Variants in ORC2 observed in about 807,000 individuals in gnomAD.
The protein encoded by ORC2 is origin recognition complex subunit 2.
A neutral mutation model predicts 77.7 loss-of-function variants in ORC2; 37 were observed. The ratio of observed to expected loss-of-function variants is 0.48; its 90% CI spans 0.37 to 0.63. The LOEUF is 0.63. ORC2 is among the 20% of genes least tolerant of loss of function. The pLI, the probability that ORC2 is intolerant of heterozygous loss-of-function variation, is 0.00. For synonymous variants in ORC2, 201 were observed against 229.5 expected (o/e 0.88, Z 1.12); for missense variants, 557 against 661.9 (o/e 0.84, Z 1.74).
chr2:200,937,578 A>G (rs1359292142), intron 8 of ORC2, among the ~76,000 whole-genome samples: 1 of 152,216 alleles, frequency 6.6e-6, no homozygotes, highest in Non-Finnish European at 1.5e-5. Context: ...GGCAGAAGCC[A>G]TGTCTGTTTA....
intron 10 of ORC2, among the ~76,000 whole-genome samples, chr2:200,933,074 A>T (rs548351651): frequency 6.6e-6 from 1 of 152,144 alleles, no homozygotes; most frequent in East Asian, 1.9e-4. Context: ...TCCTTCTCCC[A>T]TATTGCTTAT....
chr2:200,955,562 C>A (rs1299657212), intron 4 of ORC2, among the ~76,000 whole-genome samples: 2 of 152,050 alleles, frequency 1.3e-5, no homozygotes, highest in African/African-American at 4.8e-5. Flanking sequence ...AATGGGAGAA[C>A]TGAAAAACCA....
At chr2:200,953,603 T>C (rs1002261649) in intron 4 of ORC2, among the ~76,000 whole-genome samples, 1 of 152,130 alleles carries the variant, frequency 6.6e-6, no homozygotes, top group African/African-American at 2.4e-5. Flanking sequence ...CCCCAAAGAA[T>C]TGAATGCAGG....
At chr2:200,924,578 C>T (rs1022568143) in intron 13 of ORC2, among the ~76,000 whole-genome samples, 1 of 152,120 alleles carries the variant, frequency 6.6e-6, no homozygotes, top group African/African-American at 2.4e-5. Flanking sequence ...AATTACTTCT[C>T]TTAATTCTTA....
intron 15 of ORC2, among the ~76,000 whole-genome samples, 173 bp from the exon 16 acceptor site, chr2:200,914,165 CTTTTTTTT>C (rs1158874227): frequency 1.5e-5 from 2 of 134,860 alleles, no homozygotes; most frequent in East Asian, 2.1e-4. Flanking sequence ...TTTCTAATTT[CTTTTTTTT>C]TTTTTTTTTT....
chr2:200,945,325 G>A (rs1344473764), intron 5 of ORC2, among the ~76,000 whole-genome samples: 4 of 152,188 alleles, frequency 2.6e-5, no homozygotes, highest in Non-Finnish European at 4.4e-5. Flanking sequence ...GGAGACCGAG[G>A]TGGGTGGATC....
intron 11 of ORC2, among the ~76,000 whole-genome samples, chr2:200,927,615 G>A (rs941295768): frequency 5.3e-5 from 8 of 149,972 alleles, no homozygotes; most frequent in African/African-American, 9.8e-5. Context: ...GCGTGAACAC[G>A]GAAGGCGGAG....
rs2040548966 is a variant in ORC2, at chr2:200,911,370, C to T, written c.1665G>A (p.Glu555=). The change falls in exon 18 of 18, where the codon GAG becomes GAA. Residue 555 remains glutamate, a synonymous_variant. Coordinates refer to ENST00000234296, the MANE Select transcript of ORC2 (RefSeq NM_006190.5). ...IRTKKGTDGV[E]YLLIPVDNGT... ...CATTATCAACAGGAATTAATAAATA[C>T]TCTACTCCATCAGTTCCCTGAAAGA... The T allele has an allele frequency of 1.3e-6, 2 of 1,595,474 alleles. No individual in the cohort carries two copies. Among genetic ancestry groups the T allele is most frequent in the Non-Finnish European group, 1.7e-6 (2 of 1,163,132 alleles).
At chr2:200,941,406 G>A in intron 6 of ORC2, 127 bp from the exon 7 acceptor site, 1 of 709,962 alleles carries the variant, frequency 1.4e-6, no homozygotes, top group Non-Finnish European at 2.3e-6. Context: ...ACTTTGGGAG[G>A]CAAGGCAGGA....
chr2:200,930,833 AAAT>A (rs2040926599), intron 11 of ORC2, among the ~76,000 whole-genome samples: 1 of 152,208 alleles, frequency 6.6e-6, no homozygotes, highest in Non-Finnish European at 1.5e-5. Flanking sequence ...AGGTGTGTGA[AAAT>A]AATAACAGTG....
intron 15 of ORC2, among the ~76,000 whole-genome samples, chr2:200,915,265 G>A (rs1412389463): frequency 1.3e-5 from 2 of 151,504 alleles, no homozygotes; most frequent in African/African-American, 4.8e-5. Context: ...CACCCGCCTC[G>A]GCCTGATTTT....
chr2:200,956,496 A>C (rs2041466250), intron 4 of ORC2, among the ~76,000 whole-genome samples: 1 of 151,586 alleles, frequency 6.6e-6, no homozygotes, highest in Non-Finnish European at 1.5e-5. Flanking sequence ...AGCTAATTAA[A>C]AACTTTTTTT....
chr2:200,961,758 T>C (rs1159499398), intron 1 of ORC2, among the ~76,000 whole-genome samples: 1 of 152,192 alleles, frequency 6.6e-6, no homozygotes, highest in Non-Finnish European at 1.5e-5. Context: ...TAAATGCTAA[T>C]AGGGAGTCTG....
At chr2:200,961,798 A>C in intron 1 of ORC2, among the ~76,000 whole-genome samples, 1 of 152,246 alleles carries the variant, frequency 6.6e-6, no homozygotes, top group South Asian at 2.1e-4. Flanking sequence ...GAAAGCAGAA[A>C]ATAAAATCAC....
chr2:200,920,194 A>T (rs1310633340), intron 15 of ORC2, 28 bp downstream of exon 15: 3 of 1,578,132 alleles, frequency 1.9e-6, no homozygotes, highest in Non-Finnish European at 2.6e-6. Flanking sequence ...TATAGTTTTT[A>T]AAAAAGAAAT....
rs769899559 is a variant in ORC2 at position 200,935,861 on chromosome 2, T to C, written c.546A>G (p.Glu182=). Residue 182 remains glutamate (E), a synonymous_variant, in exon 9 of 18, where the codon GAA becomes GAG. Coordinates refer to ENST00000234296, the MANE Select transcript of ORC2 (RefSeq NM_006190.5). ...CATCCTCTGAGTTGGAAGCAGAATA[T>C]TCGCTTTCACTGTCAGAATGAGACC... ...VPRSHSDSES[E]YSASNSEDDE... 6.2e-7 allele frequency: 1 copy of C among 1,613,824 alleles called. No individual in the cohort carries two copies. Among genetic ancestry groups the C allele is most frequent in the South Asian group, 1.1e-5 (1 of 91,010 alleles).
At chr2:200,943,950 C>T (rs1189429177) in intron 5 of ORC2, among the ~76,000 whole-genome samples, 1 of 152,120 alleles carries the variant, frequency 6.6e-6, no homozygotes, top group Non-Finnish European at 1.5e-5. Context: ...ACTTAAGGCT[C>T]AGTCCTTGCT....
chr2:200,924,657 A>G (rs1357919535), intron 13 of ORC2, among the ~76,000 whole-genome samples: 1 of 152,224 alleles, frequency 6.6e-6, no homozygotes, highest in Non-Finnish European at 1.5e-5. Flanking sequence ...TTTCTGACAT[A>G]CTCACATAAC....
At chr2:200,954,114 C>T (rs1326902225) in intron 4 of ORC2, among the ~76,000 whole-genome samples, 2 of 151,244 alleles carry the variant, frequency 1.3e-5, no homozygotes, top group East Asian at 1.9e-4. Context: ...CTCATTGCAA[C>T]CTCCATCTCC....
Sources: allele counts gnomAD v4.1 joint callset (sites outside exome capture counted in the v4.1 genomes callset), GRCh38; gene constraint gnomAD v4.1.1; transcripts MANE v1.5; gene names NCBI Gene and HGNC (gene_info 2026-07-23, HGNC 2026-07-21).